The following AGAP6 variants were observed in gnomAD, a reference collection of about 807,000 sequenced individuals.
AGAP6 encodes the protein arf-GAP with GTPase, ANK repeat and PH domain-containing protein 6.
A neutral mutation model predicts 63.9 loss-of-function variants in AGAP6; 29 were observed. That is an observed-to-expected ratio of 0.45 (90% CI 0.34 to 0.62). AGAP6 has a LOEUF of 0.62. Ranked by LOEUF, AGAP6 falls within the 20% of genes least tolerant of loss-of-function variation. The pLI is 0.01. For synonymous variants in AGAP6, 199 were observed against 332.9 expected (o/e 0.60, Z 4.38); for missense variants, 493 against 884.9 (o/e 0.56, Z 5.62).
chr10:50,005,730 G>C (rs1308061205), intron 6 of AGAP6, among the ~76,000 whole-genome samples: 4 of 149,376 alleles, frequency 2.7e-5, no homozygotes, highest in Non-Finnish European at 4.5e-5. Context: ...AGACCAGCCC[G>C]ACCAACATGG....
intron 6 of AGAP6, among the ~76,000 whole-genome samples, chr10:50,006,302 T>G (rs372889928): frequency 0.07 from 10,668 of 152,182 alleles, 498 homozygotes; most frequent in African/African-American, 0.12. Flanking sequence ...AAGGAACAAG[T>G]TTTTCAAAGT....
Position 50,009,275 on chromosome 10 carries a change from A to C in AGAP6, c.1150A>C (p.Thr384Pro). 1 of 1,614,180 alleles carries C rather than the reference A, an allele frequency of 6.2e-7. No individual in the cohort carries two copies. The highest frequency in any genetic ancestry group is 8.5e-7 in the Non-Finnish European group (1 of 1,180,030). Residue 384 changes from threonine (T) to proline (P), a missense_variant, in exon 8 of 8, where the codon ACC becomes CCC. Thr to Pro is a conservative substitution (Grantham distance 38, BLOSUM62 -1). Around this residue, in one of 7 missense-constraint regions of AGAP6, gnomAD observed 342 missense variants for 533.4 expected, o/e 0.64. Transcript: ENST00000412531. ...SICFSPSISS[T>P]TSPKLNPPPS... Reference sequence around the variant, plus strand: ...ATGCTTCAGCCCCAGTATCTCCAGCACCACCAGCCCCAAGCTCAACCCGCC... The same window carrying C: ...ATGCTTCAGCCCCAGTATCTCCAGCCCCACCAGCCCCAAGCTCAACCCGCC...
rs1472401453 is a variant in AGAP6 at position 50,001,697 on chromosome 10, G to T, written c.397-299G>T. On this transcript the variant is annotated intron_variant, in intron 4 of 7. Transcript: ENST00000412531. ...ACCTCCCAAAGTGCTAGGATTACAG[G>T]TGTGAGCCACCGCGCCCCGCGAAGC... Among the ~76,000 whole-genome samples, 7 of 127,628 alleles carry T rather than the reference G, an allele frequency of 5.5e-5. No homozygotes were observed. The East Asian group carries it at 9.4e-4, about 17-fold the overall frequency. The allele number at this position is 127,628 out of a possible 152,430, so 83.7% of individuals were successfully genotyped here.
chr10:49,992,948 G>C (rs1381980100), intron 3 of AGAP6, among the ~76,000 whole-genome samples: 1 of 152,236 alleles, frequency 6.6e-6, no homozygotes, highest in Admixed American at 6.5e-5. Context: ...TTTTGGTAGA[G>C]ACAGGGTTTC....
intron 2 of AGAP6, 65 bp from the exon 3 acceptor site, chr10:49,991,611 A>G (rs564245522): frequency 6.9e-6 from 11 of 1,590,766 alleles, no homozygotes; most frequent in African/African-American, 1.3e-5. Context: ...GCAGTCGAAT[A>G]AACGAGTTGA....
intron 4 of AGAP6, among the ~76,000 whole-genome samples, chr10:49,996,250 A>G (rs190780949): frequency 1.3e-5 from 2 of 151,194 alleles, no homozygotes. Flanking sequence ...ATTTTTTTTT[A>G]AAGTTTTGCT....
chr10:50,004,247 T>C (rs1256228445), intron 5 of AGAP6, among the ~76,000 whole-genome samples: 8 of 148,042 alleles, frequency 5.4e-5, no homozygotes, highest in Non-Finnish European at 9.0e-5. Context: ...TCCCAGCTTC[T>C]TGGGAGGCTG....
chr10:49,996,864 C>T (rs527932889), intron 4 of AGAP6, among the ~76,000 whole-genome samples: 64 of 151,776 alleles, frequency 4.2e-4, no homozygotes, highest in African/African-American at 1.5e-3. Context: ...TTTCTGTAGG[C>T]ACCAAAGTTG....
chr10:49,992,764 T>C (rs1372693073), intron 3 of AGAP6, among the ~76,000 whole-genome samples: 4 of 141,036 alleles, frequency 2.8e-5, no homozygotes, highest in Non-Finnish European at 6.1e-5. Flanking sequence ...GTACCACACT[T>C]TTTTTTTTTT....
intron 4 of AGAP6, among the ~76,000 whole-genome samples, chr10:49,998,343 T>G (rs1273676755): frequency 1.7e-5 from 2 of 118,210 alleles, no homozygotes; most frequent in Non-Finnish European, 3.4e-5. Context: ...CTTTTATGGT[T>G]TCAGGTCATA....
chr10:49,988,858 C>T lies in AGAP6; in HGVS notation c.143C>T (p.Ala48Val). Residue 48 changes from alanine (A) to valine (V), a missense_variant, in exon 1 of 8, where the codon GCT becomes GTT. Physicochemically the swap from Ala to Val is moderately conservative, Grantham distance 64 (BLOSUM62 0). Coordinates refer to ENST00000412531, the MANE Select transcript of AGAP6 (RefSeq NM_001077665.3). Reference protein sequence around the residue: ...DRMAGAPMAAAVQPAEVTVEV... With the variant: ...DRMAGAPMAAVVQPAEVTVEV... Reference sequence around the variant, plus strand: ...ATGGCAGGAGCGCCCATGGCTGCTGCTGTACAGCCTGCTGAGGTGACTGTT... The same window carrying T: ...ATGGCAGGAGCGCCCATGGCTGCTGTTGTACAGCCTGCTGAGGTGACTGTT... 6.3e-7 allele frequency: 1 copy of T among 1,599,020 alleles called. No homozygotes were observed. Among genetic ancestry groups the T allele is most frequent in the South Asian group, 1.1e-5 (1 of 90,984 alleles).
At chr10:49,994,826 G>C (rs4359154) in intron 4 of AGAP6, among the ~76,000 whole-genome samples, 28,976 of 148,792 alleles carry the variant, frequency 0.19, 3,278 homozygotes, top group Non-Finnish European at 0.28. Context: ...GCCGGGCGTG[G>C]TGGTGCATGC....
intron 4 of AGAP6, among the ~76,000 whole-genome samples, chr10:50,001,430 T>TTTC (rs1181947003): frequency 8.1e-5 from 11 of 135,224 alleles, no homozygotes; most frequent in Admixed American, 7.4e-4. Context: ...TCTTTTTTTT[T>TTTC]TTTTTTTGAG....
At chr10:49,990,829 T>C (rs1423187933) in intron 2 of AGAP6, among the ~76,000 whole-genome samples, 1 of 152,222 alleles carries the variant, frequency 6.6e-6, no homozygotes, top group Non-Finnish European at 1.5e-5. Flanking sequence ...GGAAGTACTA[T>C]CTTCACATTT....
Position 49,991,722 on chromosome 10 carries a change from C to T in AGAP6, c.339C>T (p.Phe113=), listed in dbSNP as rs1392121426. ...PSANPEASTI[F]QRNSQTDVVE... ...CCAATCCAGAGGCAAGCACAATATT[C>T]CAGAGGAACTCTCAAACAGATGGTG... The change falls in exon 3 of 8, where the codon TTC becomes TTT. Residue 113 remains phenylalanine, a synonymous_variant. Coordinates refer to ENST00000412531, the MANE Select transcript of AGAP6 (RefSeq NM_001077665.3). 25 of 1,598,352 alleles carry T rather than the reference C, an allele frequency of 1.6e-5. No homozygotes were observed. The highest frequency in any genetic ancestry group is 2.0e-5 in the Non-Finnish European group (24 of 1,179,696).
chr10:50,010,150 G>T lies in AGAP6; in HGVS notation c.2025G>T (p.Val675=), dbSNP rs1554865643. 6.2e-7 allele frequency: 1 copy of T among 1,608,006 alleles called. No homozygotes were observed. The highest frequency in any genetic ancestry group is 1.7e-5 in the Admixed American group (1 of 59,870). ...CCTCCAGCCAGGAGTGCATCAACGT[G>T]CTTCTGCAGTACGGCTGCCCCGACG... ...RQASSQECIN[V]LLQYGCPDEC... is the part of the protein sequence containing the mutation. Residue 675 remains valine (V), a synonymous_variant, in exon 8 of 8, where the codon GTG becomes GTT. Transcript: ENST00000412531.
intron 6 of AGAP6, among the ~76,000 whole-genome samples, chr10:50,005,287 C>T (rs1474167690): frequency 1.9e-4 from 29 of 152,200 alleles, no homozygotes; most frequent in Admixed American, 1.8e-3. Flanking sequence ...CAAATGGATT[C>T]TCTAGAGCTT....
intron 4 of AGAP6, among the ~76,000 whole-genome samples, chr10:49,999,008 G>A (rs1564710762): frequency 7.1e-6 from 1 of 140,330 alleles, no homozygotes; most frequent in African/African-American, 2.8e-5. Flanking sequence ...GGTCAGGAGC[G>A]GGAGACGGAT....
chr10:49,990,306 G>T (rs1283307312), intron 2 of AGAP6, among the ~76,000 whole-genome samples: 1 of 152,128 alleles, frequency 6.6e-6, no homozygotes, highest in African/African-American at 2.4e-5. Context: ...TTAGCTGGGC[G>T]TAGTGGCGCA....
Sources: gnomAD v4.1 joint callset for allele counts (sites outside exome capture counted in the v4.1 genomes callset) on GRCh38, gnomAD v4.1.1 for gene constraint, gnomAD v4.1.1 regional missense constraint, MANE v1.5 for transcripts, NCBI Gene and HGNC (gene_info 2026-07-23, HGNC 2026-07-21) for gene names.